Variants in PCLO observed in about 807,000 individuals in gnomAD.
The protein encoded by PCLO is protein piccolo.
PCLO carries 82 observed loss-of-function variants against 427.5 expected under a neutral mutation model. That is an observed-to-expected ratio of 0.19 (90% CI 0.16 to 0.23). The LOEUF (loss-of-function observed/expected upper bound fraction) is 0.23. Among genes scored for constraint, PCLO ranks in the 10% least tolerant of loss-of-function variants. The pLI is 1.00. For missense variants in PCLO, 6,239 were observed against 6,115.9 expected (o/e 1.02, Z -0.67); for synonymous variants, 2,357 against 2,155.4 (o/e 1.09, Z -2.59).
chr7:82,970,842 G>A (rs2115697966), intron 3 of PCLO, among the ~76,000 whole-genome samples: 1 of 151,888 alleles, frequency 6.6e-6, no homozygotes, highest in Admixed American at 6.6e-5. Flanking sequence ...TGAGTAAAAA[G>A]AAATAACAGT....
At position 83,038,057 on chromosome 7, in the gene PCLO, A is replaced by ATC. The variant is rs1249510073; in HGVS notation, c.3301-71571_3301-71570insGA. ...TATATATTTATATATATATCTTTAT[A>ATC]TATATATTTATATATTTATATATAT... On this transcript the variant is annotated intron_variant, in intron 3 of 24. Coordinates refer to ENST00000333891, the MANE Select transcript of PCLO (RefSeq NM_033026.6). Among the ~76,000 whole-genome samples, 18 of 50,284 alleles carry ATC rather than the reference A, an allele frequency of 3.6e-4. 1 individual carries two copies. In the South Asian group the frequency reaches 0.011, roughly 32 times the overall value. 33.0% of individuals were successfully genotyped at this position (50,284 alleles called of 152,430 possible).
chr7:83,004,850 T>A (rs1157307298), intron 3 of PCLO, among the ~76,000 whole-genome samples: 1 of 151,536 alleles, frequency 6.6e-6, no homozygotes, highest in Non-Finnish European at 1.5e-5. Flanking sequence ...AACCTAATTT[T>A]AAAATGGGCA....
At chr7:82,849,705 CTATT>C (rs1003210875) in intron 10 of PCLO, among the ~76,000 whole-genome samples, 1 of 151,980 alleles carries the variant, frequency 6.6e-6, no homozygotes, top group African/African-American at 2.4e-5. Flanking sequence ...ATTATATAAA[CTATT>C]TAAAATGCAT....
Position 82,916,855 on chromosome 7 carries a change from T to C in PCLO, c.11131A>G (p.Met3711Val). ...TTTTTCTGGGCTCCAGAGGATGTCA[T>C]GGTTTGAGAACCTTTAGTCTATAAT... is the stretch of plus-strand genomic sequence containing the variant. ...EGYTTKGSQT[M>V]TSSGAQKKVK... The change falls in exon 7 of 25, where the codon ATG becomes GTG. Residue 3711 changes from methionine to valine, a missense_variant. By Grantham distance (21) the Met-to-Val change is conservative. This residue lies in a region of PCLO where 4,677 missense variants were observed against 4,468.4 expected (regional missense o/e 1.05). Coordinates refer to ENST00000333891, the MANE Select transcript of PCLO (RefSeq NM_033026.6). 6.2e-7 allele frequency: 1 copy of C among 1,612,866 alleles called. No homozygotes were observed.
In PCLO at chr7:82,856,274, C is replaced by T. The variant is rs74669402; in HGVS notation, c.13655-9027G>A. Among the ~76,000 whole-genome samples, 9 of 152,254 alleles carry T rather than the reference C, an allele frequency of 5.9e-5. No homozygotes were observed. In the East Asian group the frequency reaches 1.5e-3, roughly 26 times the overall value. On this transcript the variant is annotated intron_variant, in intron 10 of 24. Coordinates refer to ENST00000333891, the MANE Select transcript of PCLO (RefSeq NM_033026.6). ...TACAGAAAAAGTAATATTTCTTATA[C>T]TCAAATATGACTGTTGCAAAGATAT... is the stretch of plus-strand genomic sequence containing the variant.
chr7:82,802,491 C>T (rs1302012894), intron 21 of PCLO, among the ~76,000 whole-genome samples: 2 of 152,102 alleles, frequency 1.3e-5, no homozygotes, highest in African/African-American at 4.8e-5. Context: ...AATAATTTAA[C>T]AGCTAAAGGA....
intron 3 of PCLO, among the ~76,000 whole-genome samples, chr7:83,038,027 ATATTTATATATTTATATATATATCTT>A (rs1562932958): frequency 3.9e-4 from 17 of 44,154 alleles, no homozygotes; most frequent in African/African-American, 7.9e-4. Flanking sequence ...ATATATATAT[ATATTTATATATTTATATATATATCTT>A]TATATATATA....
At chr7:82,935,703 C>A (rs1794936939) in intron 6 of PCLO, among the ~76,000 whole-genome samples, 1 of 151,564 alleles carries the variant, frequency 6.6e-6, no homozygotes, top group South Asian at 2.1e-4. Flanking sequence ...GTACTAAACA[C>A]TATACGATCA....
At chr7:82,856,447 G>A (rs1792808422) in intron 10 of PCLO, among the ~76,000 whole-genome samples, 2 of 152,132 alleles carry the variant, frequency 1.3e-5, no homozygotes, top group South Asian at 2.1e-4. Flanking sequence ...TGAAGGATTG[G>A]TATAGATGCC....
At chr7:82,999,223 GAT>G (rs1218952026) in intron 3 of PCLO, among the ~76,000 whole-genome samples, 2 of 139,370 alleles carry the variant, frequency 1.4e-5, no homozygotes, top group African/African-American at 5.3e-5. Context: ...AAGATATATG[GAT>G]ATATATATTA....
At chr7:83,004,839 T>C in intron 3 of PCLO, among the ~76,000 whole-genome samples, 1 of 151,522 alleles carries the variant, frequency 6.6e-6, no homozygotes, top group East Asian at 1.9e-4. Flanking sequence ...ACAAAACACA[T>C]AACCTAATTT....
intron 3 of PCLO, among the ~76,000 whole-genome samples, chr7:82,968,607 C>T (rs1161087155): frequency 2.0e-5 from 3 of 150,638 alleles, no homozygotes; most frequent in South Asian, 2.1e-4. Context: ...GCAATCTCTG[C>T]CGCCCGGGTT....
intron 3 of PCLO, among the ~76,000 whole-genome samples, chr7:83,094,268 G>GAT (rs1790473751): frequency 7.4e-6 from 1 of 134,758 alleles, no homozygotes; most frequent in Non-Finnish European, 1.5e-5. Context: ...GAGTGCAATA[G>GAT]TGCAATCTCG....
Position 82,954,732 on chromosome 7 carries a change from ATCTGTTGCC to A in PCLO, c.6212_6220del (p.Arg2071_Gln2073del). ...TGGGCTAGATCCAGGTGTTAATTGCATCTGTTGCCTCTTCATAAGTTCTTCATAGGCAGC... is the reference window on the plus strand; with the variant it reads ...TGGGCTAGATCCAGGTGTTAATTGCATCTTCATAAGTTCTTCATAGGCAGC... On this transcript the variant is annotated inframe_deletion, in exon 5 of 25. Coordinates refer to ENST00000333891, the MANE Select transcript of PCLO (RefSeq NM_033026.6). The A allele has an allele frequency of 3.1e-6, 5 of 1,613,802 alleles. No homozygotes were observed. Among genetic ancestry groups the A allele is most frequent in the Non-Finnish European group, 4.2e-6 (5 of 1,179,836 alleles).
intron 12 of PCLO, among the ~76,000 whole-genome samples, chr7:82,845,699 G>T (rs1021276852): frequency 6.6e-6 from 1 of 152,072 alleles, no homozygotes; most frequent in African/African-American, 2.4e-5. Context: ...AATTACAGAG[G>T]AATAGTGAAG....
intron 3 of PCLO, among the ~76,000 whole-genome samples, chr7:83,034,283 G>C (rs1259349090): frequency 6.6e-6 from 1 of 152,082 alleles, no homozygotes; most frequent in African/African-American, 2.4e-5. Flanking sequence ...CTGCCTCCCA[G>C]GTTCAAGAAA....
At chr7:82,917,483 A>G (rs1462244626) in intron 6 of PCLO, among the ~76,000 whole-genome samples, 1 of 152,082 alleles carries the variant, frequency 6.6e-6, no homozygotes, top group African/African-American at 2.4e-5. Flanking sequence ...ACTCCATTGG[A>G]ACCTTTTAAA....
intron 3 of PCLO, among the ~76,000 whole-genome samples, chr7:83,027,397 C>T (rs958754752): frequency 4.6e-5 from 7 of 152,072 alleles, no homozygotes; most frequent in Non-Finnish European, 1.0e-4. Context: ...TCTCCCAAGA[C>T]TAAACCAGGA....
At chr7:83,037,949 A>C (rs1190407371) in intron 3 of PCLO, among the ~76,000 whole-genome samples, 1 of 117,370 alleles carries the variant, frequency 8.5e-6, no homozygotes, top group Non-Finnish European at 1.7e-5. Flanking sequence ...AATTTTGAGT[A>C]AGTTTCCCGT....
Sources: allele counts gnomAD v4.1 joint callset (sites outside exome capture counted in the v4.1 genomes callset), GRCh38; gene constraint gnomAD v4.1.1; regional missense constraint gnomAD v4.1.1; transcripts MANE v1.5; gene names NCBI Gene and HGNC (gene_info 2026-07-23, HGNC 2026-07-21).